LTK: variants seen among roughly 807,000 people sequenced by gnomAD.
LTK encodes leukocyte tyrosine kinase receptor.
Under a neutral mutation model 101.5 loss-of-function variants are expected in LTK, and 117 were observed. The ratio of observed to expected loss-of-function variants is 1.15; its 90% CI spans 0.99 to 1.34. LTK has a LOEUF of 1.34. Among genes scored for constraint, LTK ranks in the 40% most tolerant of loss-of-function variants. The pLI is 0.00. For missense variants in LTK, 1,252 were observed against 1,164.7 expected (o/e 1.07, Z -1.09); for synonymous variants, 563 against 494.2 (o/e 1.14, Z -1.85).
chr15:41,505,887 C>T, intron 12 of LTK, 28 bp downstream of exon 12: 1 of 1,605,596 alleles, frequency 6.2e-7, no homozygotes, highest in South Asian at 1.1e-5. Context: ...GCTCTCCTAC[C>T]CCCAGCCAGA....
At position 41,504,756 on chromosome 15, in the gene LTK, G is replaced by A; in HGVS notation, c.2120+17C>T. 1.2e-6 allele frequency: 2 copies of A among 1,607,258 alleles called. No individual in the cohort carries two copies. The highest frequency in any genetic ancestry group is 1.7e-6 in the Non-Finnish European group (2 of 1,176,816). On this transcript the variant is annotated intron_variant, in intron 17 of 19. Coordinates refer to ENST00000263800, the MANE Select transcript of LTK (RefSeq NM_002344.6). ...GGAGGGGAACAGTGGGGAAGGGGAG[G>A]GGAAGGGTGTTATCACCAGGAATCT...
rs749058331 is a variant in LTK at position 41,512,978 on chromosome 15, C to T, written c.186G>A (p.Pro62=). ...AGGAAGGAGGCGTCTAAAGCTCACC[C>T]GGAGAATTCAGCGGGGAGGCTGGCT... is the stretch of plus-strand genomic sequence containing the variant. ...ILEPASPLNS[P]GTEGSWLFST... Residue 62 remains proline, a splice_region_variant and synonymous_variant, in exon 2 of 20, where the codon CCG becomes CCA. Coordinates refer to ENST00000263800, the MANE Select transcript of LTK (RefSeq NM_002344.6). The T allele has an allele frequency of 3.1e-6, 5 of 1,613,640 alleles. No homozygotes were observed. Among genetic ancestry groups the T allele is most frequent in the East Asian group, 2.2e-5 (1 of 44,872 alleles).
Position 41,511,404 on chromosome 15 carries a change from CGCGGCCCGCGCCCTCACCT to C in LTK, c.813_814+17del. The C allele has an allele frequency of 7.3e-7, 1 of 1,373,822 alleles. No homozygotes were observed. Among genetic ancestry groups the C allele is most frequent in the Non-Finnish European group, 9.3e-7 (1 of 1,072,398 alleles). The allele number at this position is 1,373,822 out of a possible 1,614,324, so 85.1% of individuals were successfully genotyped here. A position where few individuals can be genotyped will look rare whatever the true frequency, so the allele number is the denominator to read the frequency against. Reference sequence around the variant, plus strand: ...CACGGGGAGCACGCCCGCCTCTCCCCGCGGCCCGCGCCCTCACCTGCCGCCCCGCCTCTCCCGCCGCTCC... The same window carrying C: ...CACGGGGAGCACGCCCGCCTCTCCCCGCCGCCCCGCCTCTCCCGCCGCTCC... On this transcript the variant is annotated splice_donor_variant and splice_donor_5th_base_variant and coding_sequence_variant and intron_variant, in exon 6 of 20. Coordinates refer to ENST00000263800, the MANE Select transcript of LTK (RefSeq NM_002344.6). LOFTEE classifies it high-confidence loss of function. The surrounding 1 kb of genome is among the most constrained non-coding windows in gnomAD (Gnocchi z 5.9).
Position 41,508,101 on chromosome 15 carries a change from A to G in LTK, c.1217T>C (p.Met406Thr). 1.9e-6 allele frequency: 3 copies of G among 1,612,374 alleles called. No individual in the cohort carries two copies. Among genetic ancestry groups the G allele is most frequent in the Non-Finnish European group, 8.5e-7 (1 of 1,179,334 alleles). Residue 406 changes from methionine to threonine, a missense_variant, in exon 9 of 20, where the codon ATG (methionine) becomes ACG (threonine). Met to Thr is a moderately conservative substitution (Grantham distance 81). Coordinates refer to ENST00000263800, the MANE Select transcript of LTK (RefSeq NM_002344.6). Reference sequence around the variant, plus strand: ...GGTGACGTTATCCACAGCTAGCTCCATGCCTTCTGGGCACAGGCATTCAGC... The same window carrying G: ...GGTGACGTTATCCACAGCTAGCTCCGTGCCTTCTGGGCACAGGCATTCAGC... ...QLAECLCPEG[M>T]ELAVDNVTCM...
rs201048749 is a variant in LTK, at chr15:41,505,234, G to T, written c.1899C>A (p.Tyr633Ter). ...TGTGGATGAAGTGATTTTCCTCCAG[G>T]TAGTGGCAGCCCTGGGCTATGTCCT... is the stretch of plus-strand genomic sequence containing the variant. Reference protein sequence around the residue: ...LAQDIAQGCHYLEENHFIHRD... With the variant: ...LAQDIAQGCH The change falls in exon 15 of 20, where the codon TAC (tyrosine) becomes TAA (stop). Residue 633 changes from tyrosine to a stop codon, truncating the protein, a stop_gained. Coordinates refer to ENST00000263800, the MANE Select transcript of LTK (RefSeq NM_002344.6). LOFTEE classifies it high-confidence loss of function. The T allele has an allele frequency of 4.6e-5, 75 of 1,613,976 alleles. No individual in the cohort carries two copies. Among genetic ancestry groups the T allele is most frequent in the Non-Finnish European group, 5.9e-5 (70 of 1,180,020 alleles).
Position 41,503,874 on chromosome 15 carries a change from CA to C in LTK, c.*121del. 8.3e-7 allele frequency: 1 copy of C among 1,200,736 alleles called. No homozygotes were observed. Among genetic ancestry groups the C allele is most frequent in the African/African-American group, 1.5e-5 (1 of 65,336 alleles). 74.4% of individuals were successfully genotyped at this position (1,200,736 alleles called of 1,614,324 possible). On this transcript the variant is annotated 3_prime_UTR_variant, in exon 20 of 20. Coordinates refer to ENST00000263800, the MANE Select transcript of LTK (RefSeq NM_002344.6). ...TGCCAGGCCAGCCCCGAGACAGGCCCAGACACACAGCACAGACTGCAGGGAA... is the reference window on the plus strand; with the variant it reads ...TGCCAGGCCAGCCCCGAGACAGGCCCGACACACAGCACAGACTGCAGGGAA...
At chr15:41,510,295 C>T (rs1346024902) in intron 7 of LTK, among the ~76,000 whole-genome samples, 2 of 152,074 alleles carry the variant, frequency 1.3e-5, no homozygotes, top group Non-Finnish European at 2.9e-5. Flanking sequence ...CGTGAGCCAC[C>T]GCGCCCCGCC....
Position 41,504,514 on chromosome 15 carries a change from T to G in LTK, c.2247A>C (p.Pro749=). ...GGCAGCACTCAACTCACACAGGCCCTGGGCAGCCCCTAGGAGGGTCCATCC... is the reference window on the plus strand; with the variant it reads ...GGCAGCACTCAACTCACACAGGCCCGGGGCAGCCCCTAGGAGGGTCCATCC... ...GGRMDPPRGC[P]GPVYRIMTQC... The change falls in exon 18 of 20, where the codon CCA becomes CCC. Residue 749 remains proline (P), a synonymous_variant. Transcript: ENST00000263800. 1 of 1,613,112 alleles carries G rather than the reference T, an allele frequency of 6.2e-7. No homozygotes were observed. Among genetic ancestry groups the G allele is most frequent in the Non-Finnish European group, 8.5e-7 (1 of 1,179,476 alleles).
In LTK at chr15:41,504,581, C is replaced by T. The variant is rs199935291; in HGVS notation, c.2180G>A (p.Arg727His). 305 of 1,613,820 alleles carry T rather than the reference C, an allele frequency of 1.9e-4. No individual in the cohort carries two copies. Among genetic ancestry groups the T allele is most frequent in the South Asian group, 4.2e-4 (38 of 91,086 alleles). Residue 727 changes from arginine (R) to histidine (H), a missense_variant, in exon 18 of 20, where the codon CGC (arginine) becomes CAC (histidine). Arg to His is a conservative substitution (Grantham distance 29, BLOSUM62 0). Transcript: ENST00000263800. ...FSLGYMPYPGRTNQEVLDFVV... is the reference protein window; with the variant it reads ...FSLGYMPYPGHTNQEVLDFVV... ...GAAGTCCAGCACCTCCTGGTTGGTGCGCCCAGGATAGGGCATGTAGCCCAG... is the reference window on the plus strand; with the variant it reads ...GAAGTCCAGCACCTCCTGGTTGGTGTGCCCAGGATAGGGCATGTAGCCCAG...
chr15:41,504,793 G>T lies in LTK; in HGVS notation c.2100C>A (p.Phe700Leu), dbSNP rs1265195900. The T allele has an allele frequency of 6.2e-7, 1 of 1,612,924 alleles. No individual in the cohort carries two copies. Among genetic ancestry groups the T allele is most frequent in the Non-Finnish European group, 8.5e-7 (1 of 1,179,714 alleles). Residue 700 changes from phenylalanine (F) to leucine (L), a missense_variant, in exon 17 of 20, where the codon TTC becomes TTA. By Grantham distance (22) the Phe-to-Leu change is conservative. Transcript: ENST00000263800. ...ATCACCAGGAATCTGTCTTGGATGT[G>T]AAGATGCCCTCCAGGAAGGCCTCTG... ...MPPEAFLEGI[F>L]TSKTDSWSFG...
At position 41,513,099 on chromosome 15, in the gene LTK, G is replaced by C; in HGVS notation, c.65C>G (p.Pro22Arg). ...GAAGAILCSS[P>R]GSQETFLRSS... is the part of the protein sequence containing the mutation. ...CCGCAGAAAAGTCTCCTGGGACCCC[G>C]GGCTAGAGCAGAGAATGGCGCCTGA... is the stretch of plus-strand genomic sequence containing the variant. Residue 22 changes from proline to arginine, a missense_variant, in exon 2 of 20, where the codon CCG (proline) becomes CGG (arginine). Pro to Arg is a moderately radical substitution (Grantham distance 103). Transcript: ENST00000263800. The C allele has an allele frequency of 1.2e-6, 2 of 1,606,666 alleles. No individual in the cohort carries two copies. The highest frequency in any genetic ancestry group is 1.7e-6 in the Non-Finnish European group (2 of 1,177,164).
intron 3 of LTK, among the ~76,000 whole-genome samples, 177 bp from the exon 4 acceptor site, chr15:41,512,442 C>T (rs1272186674): frequency 2.0e-5 from 3 of 152,228 alleles, no homozygotes; most frequent in Non-Finnish European, 4.4e-5. Flanking sequence ...AGATATTACA[C>T]TTATTTCAGG....
intron 19 of LTK, 38 bp downstream of exon 19, chr15:41,504,304 C>T (rs1298050959): frequency 6.2e-7 from 1 of 1,612,290 alleles, no homozygotes; most frequent in Admixed American, 1.7e-5. Flanking sequence ...CCCTCCTGAC[C>T]CACAAGACCA....
rs761979914 is a variant in LTK, at chr15:41,505,904, ACTCCT to A, written c.1632+6_1632+10del. ...TCTCCTACCCCCAGCCAGAAGTCCC[ACTCCT>A]CTCACCTTGATAGCTACCTGCAGGG... is the stretch of plus-strand genomic sequence containing the variant. On this transcript the variant is annotated splice_donor_region_variant and intron_variant, in intron 12 of 19. Transcript: ENST00000263800. 2.5e-6 allele frequency: 4 copies of A among 1,611,326 alleles called. No individual in the cohort carries two copies. In the African/African-American group the frequency reaches 5.4e-5, roughly 22 times the overall value.
chr15:41,505,285 G>A lies in LTK; in HGVS notation c.1848C>T (p.Val616=), dbSNP rs1376106107. The A allele has an allele frequency of 6.2e-7, 1 of 1,613,980 alleles. No homozygotes were observed. The change falls in exon 15 of 20, where the codon GTC becomes GTT. Residue 616 remains valine, a synonymous_variant. Coordinates refer to ENST00000263800, the MANE Select transcript of LTK (RefSeq NM_002344.6). ...RPHLGQPSPL[V]MRDLLQLAQD... is the part of the protein sequence containing the mutation. ...GGGCCAGTTGCAGCAGGTCCCGCAT[G>A]ACCAGAGGTGATGGCTGGCCCTGGG...
intron 7 of LTK, among the ~76,000 whole-genome samples, chr15:41,509,842 A>G (rs1369340215): frequency 6.6e-6 from 1 of 152,036 alleles, no homozygotes; most frequent in Non-Finnish European, 1.5e-5. Context: ...CCTGGGCAAC[A>G]GAGCCAGACT....
intron 15 of LTK, 37 bp from the exon 16 acceptor site, chr15:41,505,101 A>G (rs372906035): frequency 1.8e-5 from 29 of 1,587,572 alleles, no homozygotes; most frequent in African/African-American, 2.7e-5. Context: ...GCCAGAATCT[A>G]GAAGTTCTTG....
chr15:41,511,721 TA>T lies in LTK; in HGVS notation c.657+95del, dbSNP rs1465031042. ...AGGCCAGCCCAGCCCAGCGCAGGGA[TA>T]GGGGGACCCCAAGGGACGGACGGAG... is the stretch of plus-strand genomic sequence containing the variant. On this transcript the variant is annotated intron_variant, in intron 5 of 19. Transcript: ENST00000263800. This position sits in a 1 kb window ranked among gnomAD's most constrained non-coding sequence, Gnocchi z 5.9. The T allele has an allele frequency of 2.0e-5, 28 of 1,431,900 alleles. No homozygotes were observed. The highest frequency in any genetic ancestry group is 2.5e-5 in the Non-Finnish European group (27 of 1,101,670). 88.7% of individuals were successfully genotyped at this position (1,431,900 alleles called of 1,614,324 possible). A position where few individuals can be genotyped will look rare whatever the true frequency, so the allele number is the denominator to read the frequency against.
chr15:41,512,279 A>G lies in LTK; in HGVS notation c.360-14T>C. ...TAGGCTGAGATCCTGCGGGGAACGG[A>G]CGGTGAGTCCCCGGCCTTCGGTGCT... On this transcript the variant is annotated splice_polypyrimidine_tract_variant and intron_variant, in intron 3 of 19. Coordinates refer to ENST00000263800, the MANE Select transcript of LTK (RefSeq NM_002344.6). 3 of 1,609,030 alleles carry G rather than the reference A, an allele frequency of 1.9e-6. No individual in the cohort carries two copies. The highest frequency in any genetic ancestry group is 2.5e-6 in the Non-Finnish European group (3 of 1,177,612).
Sources: allele counts gnomAD v4.1 joint callset (sites outside exome capture counted in the v4.1 genomes callset), GRCh38; gene constraint gnomAD v4.1.1; non-coding constraint Gnocchi (gnomAD v3.1); transcripts MANE v1.5; gene names NCBI Gene and HGNC (gene_info 2026-07-23, HGNC 2026-07-21).